Variants in CFAP46 observed in about 807,000 individuals in gnomAD.
The protein encoded by CFAP46 is cilia and flagella associated protein 46, also known as cilia- and flagella-associated protein 46.
CFAP46 carries 245 observed loss-of-function variants against 325.7 expected under a neutral mutation model. The ratio of observed to expected loss-of-function variants is 0.75; its 90% CI spans 0.68 to 0.84. The LOEUF (loss-of-function observed/expected upper bound fraction) is 0.84. CFAP46 is among the 40% of genes least tolerant of loss of function. CFAP46 has a pLI of 0.00. For synonymous variants in CFAP46, 1,523 were observed against 1,495.9 expected, an observed-to-expected ratio of 1.02 and a Z score of -0.42; for missense variants, 3,346 against 3,543.0, an observed-to-expected ratio of 0.94 and a Z score of 1.41.
intron 25 of CFAP46, among the ~76,000 whole-genome samples, chr10:132,887,352 CCTCCCCTCTTCTT>C (rs1849159674): frequency 1.4e-5 from 1 of 72,022 alleles, no homozygotes; most frequent in Non-Finnish European, 2.8e-5. Flanking sequence ...CCTCTCCTCT[CCTCCCCTCTTCTT>C]TCCTCTCCCC....
intron 1 of CFAP46, 120 bp downstream of exon 1, chr10:132,942,316 C>T (rs1850118288): frequency 4.9e-6 from 4 of 817,232 alleles, no homozygotes; most frequent in Non-Finnish European, 6.3e-6. Flanking sequence ...CGGCTGTGGC[C>T]CTCGAGGGAT....
At position 132,873,495 on chromosome 10, in the gene CFAP46, G is replaced by A. The variant is rs61862348; in HGVS notation, c.4363-671C>T. ...GCTGTCAGGCACTGAGGCATCCAGGGATACGAGCCTGGCTATCAGGCACTG... is the reference window on the plus strand; with the variant it reads ...GCTGTCAGGCACTGAGGCATCCAGGAATACGAGCCTGGCTATCAGGCACTG... On this transcript the variant is annotated intron_variant, in intron 31 of 57. Coordinates refer to ENST00000368586, the MANE Select transcript of CFAP46 (RefSeq NM_001200049.3). 6.2e-3 allele frequency among the ~76,000 whole-genome samples: 945 copies of A among 152,220 alleles called. 5 individuals are homozygous for A. Among genetic ancestry groups the A allele is most frequent in the Non-Finnish European group, 9.4e-3 (636 of 68,018 alleles).
intron 9 of CFAP46, among the ~76,000 whole-genome samples, chr10:132,927,258 C>T (rs1849825130): frequency 6.6e-6 from 1 of 152,250 alleles, no homozygotes; most frequent in Admixed American, 6.5e-5. Context: ...AGCGCAGGCG[C>T]TGATGATGGT....
chr10:132,851,116 C>T lies in CFAP46; in HGVS notation c.5763+1G>A, dbSNP rs761360592. 1 of 1,613,650 alleles carries T rather than the reference C, an allele frequency of 6.2e-7. No individual in the cohort carries two copies. Among genetic ancestry groups the T allele is most frequent in the South Asian group, 1.1e-5 (1 of 91,070 alleles). ...CGGGAATCTGTGACCCCAGCAATTA[C>T]CAGGCCGACGGAAGTGTAGTCACTG... On this transcript the variant is annotated splice_donor_variant, in intron 40 of 57. Transcript: ENST00000368586. LOFTEE classifies it high-confidence loss of function.
At chr10:132,941,212 AGT>A in intron 3 of CFAP46, 152 bp from the exon 4 acceptor site, 1 of 802,506 alleles carries the variant, frequency 1.2e-6, no homozygotes, top group Non-Finnish European at 2.0e-6. Context: ...ACACAGCCTG[AGT>A]GTCGTGGCGA....
In CFAP46 at chr10:132,898,948, G is replaced by A. The variant is rs1349313973; in HGVS notation, c.3219+11C>T. On this transcript the variant is annotated intron_variant, in intron 24 of 57. Coordinates refer to ENST00000368586, the MANE Select transcript of CFAP46 (RefSeq NM_001200049.3). Reference sequence around the variant, plus strand: ...AGTGGGAGTCAGGAGCCCCCTCCAGGGCTGGTGCACCTGCTTTCTGGCCTC... The same window carrying A: ...AGTGGGAGTCAGGAGCCCCCTCCAGAGCTGGTGCACCTGCTTTCTGGCCTC... 3.2e-6 allele frequency: 5 copies of A among 1,550,392 alleles called. No individual in the cohort carries two copies. The highest frequency in any genetic ancestry group is 2.4e-5 in the East Asian group (1 of 40,920).
rs753693188 is a variant in CFAP46 at position 132,909,191 on chromosome 10, C to T, written c.2703G>A (p.Met901Ile). 2.6e-6 allele frequency: 4 copies of T among 1,550,318 alleles called. No homozygotes were observed. The highest frequency in any genetic ancestry group is 3.5e-6 in the Non-Finnish European group (4 of 1,146,938). The stretch of plus-strand genomic sequence containing the variant: ...TGAGGCCCAGCCCGTTGCATGAGTA[C>T]ATTTCCAAGGCAACGAGGACTCTGG... ...SVTRVLVALE[M>I]YSCNGLGLMD... is the part of the protein sequence containing the mutation. Residue 901 changes from methionine to isoleucine, a missense_variant, in exon 21 of 58, where the codon ATG becomes ATA. Met to Ile is a conservative substitution (Grantham distance 10). Transcript: ENST00000368586.
intron 15 of CFAP46, 111 bp from the exon 16 acceptor site, chr10:132,918,631 A>G: frequency 1.5e-6 from 2 of 1,354,558 alleles, no homozygotes; most frequent in Non-Finnish European, 1.9e-6. Flanking sequence ...AGCTCCGTGT[A>G]GGGTCCGCCA....
At chr10:132,825,450 G>A (rs894636164) in intron 50 of CFAP46, among the ~76,000 whole-genome samples, 4 of 152,172 alleles carry the variant, frequency 2.6e-5, no homozygotes, top group East Asian at 1.9e-4. Flanking sequence ...TTTGGGAGGC[G>A]ATGAACACGT....
chr10:132,825,347 G>A (rs776904969), intron 50 of CFAP46, among the ~76,000 whole-genome samples: 4 of 152,152 alleles, frequency 2.6e-5, no homozygotes, highest in East Asian at 1.9e-4. Context: ...TGTGTCCACC[G>A]CGCTGTGGGC....
chr10:132,840,400 G>A (rs1476296693), intron 44 of CFAP46, among the ~76,000 whole-genome samples: 1 of 152,168 alleles, frequency 6.6e-6, no homozygotes, highest in Admixed American at 6.5e-5. Flanking sequence ...GAACCAACTT[G>A]TGCCTTGGAT....
chr10:132,831,220 CTG>C (rs56965336), intron 50 of CFAP46, among the ~76,000 whole-genome samples: 50 of 148,184 alleles, frequency 3.4e-4, no homozygotes, highest in East Asian at 2.6e-3. Flanking sequence ...GTCAAATGTT[CTG>C]TGTGTGTGTG....
intron 24 of CFAP46, 79 bp downstream of exon 24, chr10:132,898,880 G>T: frequency 6.6e-7 from 1 of 1,504,264 alleles, no homozygotes. Flanking sequence ...GTCTTTCTTT[G>T]GGAGTCTCTC....
rs929721036 is a variant in CFAP46 at position 132,920,115 on chromosome 10, G to T, written c.1674C>A (p.Ser558Arg). 1.3e-6 allele frequency: 2 copies of T among 1,549,254 alleles called. No individual in the cohort carries two copies. Among genetic ancestry groups the T allele is most frequent in the African/African-American group, 1.4e-5 (1 of 73,082 alleles). Residue 558 changes from serine (S) to arginine (R), a missense_variant, in exon 14 of 58, where the codon AGC (serine) becomes AGA (arginine). Ser to Arg is a moderately radical substitution (Grantham distance 110). Coordinates refer to ENST00000368586, the MANE Select transcript of CFAP46 (RefSeq NM_001200049.3). Reference protein sequence around the residue: ...LCAKAWHHTVSVDKAAGHLRR... With the variant: ...LCAKAWHHTVRVDKAAGHLRR... ...GCAGGTGCCCGGCAGCTTTGTCCAC[G>T]CTGACGGTGTGGTGCCACGCCTTCG...
Position 132,836,228 on chromosome 10 carries a change from G to A in CFAP46, c.6537-10C>T, listed in dbSNP as rs746385617. 4 of 1,611,148 alleles carry A rather than the reference G, an allele frequency of 2.5e-6. No individual in the cohort carries two copies. Among genetic ancestry groups the A allele is most frequent in the Admixed American group, 1.7e-5 (1 of 59,908 alleles). ...GCCGTACAGACGGGACCTGCTGGCA[G>A]GACGTGGGCCAGGGTCGCAGGCAAG... On this transcript the variant is annotated splice_polypyrimidine_tract_variant and intron_variant, in intron 45 of 57. Coordinates refer to ENST00000368586, the MANE Select transcript of CFAP46 (RefSeq NM_001200049.3).
In CFAP46 at chr10:132,859,178, T is replaced by C. The variant is rs1193399916; in HGVS notation, c.5268A>G (p.Leu1756=). Residue 1756 remains leucine, a synonymous_variant, in exon 38 of 58, where the codon CTA becomes CTG. Coordinates refer to ENST00000368586, the MANE Select transcript of CFAP46 (RefSeq NM_001200049.3). ...AVTEPTECSL[L]LKEMDDGLLE... is the part of the protein sequence containing the mutation. ...ACAGGCCATCATCCATCTCTTTCAG[T>C]AGCAACGAGCACTCTGTGGGTTCAG... 10 of 1,550,662 alleles carry C rather than the reference T, an allele frequency of 6.4e-6. No homozygotes were observed. The East Asian group carries it at 2.2e-4, about 34-fold the overall frequency.
At position 132,912,664 on chromosome 10, in the gene CFAP46, T is replaced by C; in HGVS notation, c.2490A>G (p.Thr830=). ...ATCATGGAGGTGGTACCTCCACCGC[T>C]GTTTTGATCTCGGAAGTGGCTCCTG... ...LDAGATSEIK[T]AVEVCEFALN... is the part of the protein sequence containing the mutation. The change falls in exon 19 of 58, where the codon ACA becomes ACG. Residue 830 remains threonine (T), a synonymous_variant. Transcript: ENST00000368586. 1.9e-6 allele frequency: 3 copies of C among 1,548,934 alleles called. No individual in the cohort carries two copies. Among genetic ancestry groups the C allele is most frequent in the Non-Finnish European group, 2.6e-6 (3 of 1,146,844 alleles).
At chr10:132,898,304 A>G (rs911763042) in intron 24 of CFAP46, among the ~76,000 whole-genome samples, 23 of 152,208 alleles carry the variant, frequency 1.5e-4, no homozygotes, top group African/African-American at 4.3e-4. Context: ...AGCCCAGTCC[A>G]CAAGGCTGAG....
chr10:132,913,717 G>GA (rs1849591372), intron 17 of CFAP46, among the ~76,000 whole-genome samples: 1 of 152,170 alleles, frequency 6.6e-6, no homozygotes, highest in Admixed American at 6.5e-5. Flanking sequence ...CCTCGCTAAA[G>GA]AGAGTGTGGA....
Sources: allele counts gnomAD v4.1 joint callset (sites outside exome capture counted in the v4.1 genomes callset), GRCh38; gene constraint gnomAD v4.1.1; transcripts MANE v1.5; gene names NCBI Gene and HGNC (gene_info 2026-07-23, HGNC 2026-07-21).